Variants in PID1 observed in about 807,000 individuals in gnomAD.
The protein encoded by PID1 is phosphotyrosine interaction domain containing 1.
Under a neutral mutation model 19.1 loss-of-function variants are expected in PID1, and 10 were observed. The ratio of observed to expected loss-of-function variants is 0.52; its 90% CI spans 0.32 to 0.89. The LOEUF (loss-of-function observed/expected upper bound fraction) is 0.89. PID1 is among the 40% of genes least tolerant of loss of function. The pLI is 0.03. For synonymous variants in PID1, 130 were observed against 116.0 expected (o/e 1.12, Z -0.78); for missense variants, 248 against 285.3 (o/e 0.87, Z 0.94).
intron 1 of PID1, among the ~76,000 whole-genome samples, chr2:229,201,891 C>A (rs114973038): frequency 0.011 from 1,627 of 152,032 alleles, 37 homozygotes; most frequent in African/African-American, 0.037. Flanking sequence ...TTCACTTTGG[C>A]TTCCATGGCA....
chr2:229,219,838 AT>A (rs199672830), intron 1 of PID1, among the ~76,000 whole-genome samples: 23,490 of 148,698 alleles, frequency 0.16, 2,151 homozygotes, highest in Admixed American at 0.25. Context: ...TTTTATTTTT[AT>A]TTTTTTTTTG....
chr2:229,119,193 T>A (rs574558712), intron 2 of PID1, among the ~76,000 whole-genome samples: 3 of 152,232 alleles, frequency 2.0e-5, no homozygotes, highest in African/African-American at 7.2e-5. Flanking sequence ...ATTATTTGCA[T>A]GCAGCAGTCT....
chr2:229,104,696 A>G (rs1695139212), intron 2 of PID1, among the ~76,000 whole-genome samples: 1 of 152,248 alleles, frequency 6.6e-6, no homozygotes. Context: ...ATTCCCAGAC[A>G]TGGAACCTGG....
intron 2 of PID1, among the ~76,000 whole-genome samples, chr2:229,066,483 C>G (rs1001494862): frequency 2.0e-5 from 3 of 152,088 alleles, no homozygotes; most frequent in Non-Finnish European, 4.4e-5. Context: ...ACCATTCTAA[C>G]TTTTATATAT....
intron 1 of PID1, among the ~76,000 whole-genome samples, chr2:229,200,562 C>T (rs1276283788): frequency 1.3e-5 from 2 of 151,978 alleles, no homozygotes; most frequent in Non-Finnish European, 2.9e-5. Flanking sequence ...ACACTGGCAG[C>T]TTGTCGGAGA....
At chr2:229,245,718 T>C (rs942306494) in intron 1 of PID1, among the ~76,000 whole-genome samples, 6 of 152,150 alleles carry the variant, frequency 3.9e-5, no homozygotes, top group African/African-American at 1.4e-4. Context: ...AAGAAGCTAA[T>C]GAGGTAGATT....
At chr2:229,217,063 C>A (rs974914583) in intron 1 of PID1, among the ~76,000 whole-genome samples, 3 of 152,182 alleles carry the variant, frequency 2.0e-5, no homozygotes, top group African/African-American at 7.2e-5. Flanking sequence ...GGTCCACATT[C>A]AAGGCTGCTG....
intron 2 of PID1, among the ~76,000 whole-genome samples, chr2:229,103,306 G>A (rs80111393): frequency 0.049 from 7,383 of 152,090 alleles, 219 homozygotes; most frequent in Non-Finnish European, 0.069. Flanking sequence ...GTCACATTTC[G>A]CACAGACACA....
At chr2:229,118,713 G>C (rs998168331) in intron 2 of PID1, among the ~76,000 whole-genome samples, 1 of 152,194 alleles carries the variant, frequency 6.6e-6, no homozygotes, top group East Asian at 1.9e-4. Context: ...TGTTCTTGGG[G>C]GAAAGTACTA....
At chr2:229,150,520 T>C (rs1205940255) in intron 2 of PID1, among the ~76,000 whole-genome samples, 1 of 152,234 alleles carries the variant, frequency 6.6e-6, no homozygotes, top group Non-Finnish European at 1.5e-5. Flanking sequence ...CTGCTTTTCC[T>C]GTTCCTATAC....
At chr2:229,167,492 C>G (rs1690623760) in intron 1 of PID1, among the ~76,000 whole-genome samples, 1 of 152,054 alleles carries the variant, frequency 6.6e-6, no homozygotes, top group Non-Finnish European at 1.5e-5. Context: ...CAGACAAACC[C>G]AAACTGAGAG....
intron 2 of PID1, among the ~76,000 whole-genome samples, chr2:229,132,742 AC>A (rs2106169558): frequency 1.3e-5 from 2 of 152,348 alleles, no homozygotes; most frequent in East Asian, 3.9e-4. Flanking sequence ...TATCTGACCC[AC>A]CCAATTCAAT....
intron 2 of PID1, among the ~76,000 whole-genome samples, chr2:229,092,158 TG>T (rs1471877832): frequency 7.7e-6 from 1 of 129,286 alleles, no homozygotes; most frequent in Admixed American, 7.2e-5. Flanking sequence ...GTCTTGGGTA[TG>T]GGCTTATAAC....
chr2:229,208,892 G>C (rs1473601623), intron 1 of PID1, among the ~76,000 whole-genome samples: 2 of 152,134 alleles, frequency 1.3e-5, no homozygotes, highest in Non-Finnish European at 2.9e-5. Flanking sequence ...AAATTAGAGA[G>C]GAGCCCTGGT....
intron 1 of PID1, among the ~76,000 whole-genome samples, chr2:229,216,420 G>A (rs2106254254): frequency 6.6e-6 from 1 of 152,170 alleles, no homozygotes. Context: ...CCAAAACAGT[G>A]GGATGAGAAA....
At chr2:229,103,573 T>A (rs1695116012) in intron 2 of PID1, among the ~76,000 whole-genome samples, 1 of 10,144 alleles carries the variant, frequency 9.9e-5, no homozygotes, top group Non-Finnish European at 2.7e-4. Context: ...ATGCTGGAAT[T>A]TTTTTTTTTT....
At chr2:229,183,878 CTATATATATATATATATATATA>C in intron 1 of PID1, among the ~76,000 whole-genome samples, 1 of 18,722 alleles carries the variant, frequency 5.3e-5, no homozygotes, top group South Asian at 1.1e-3. Context: ...CTCTCTCTTT[CTATATATATATATATATATATA>C]TATATATATA....
chr2:229,131,323 C>T (rs1689736325), intron 2 of PID1, among the ~76,000 whole-genome samples: 1 of 151,902 alleles, frequency 6.6e-6, no homozygotes, highest in Non-Finnish European at 1.5e-5. Context: ...CTCCACCTCC[C>T]GGGTTCAAGC....
intron 2 of PID1, among the ~76,000 whole-genome samples, chr2:229,114,115 C>CTCTCTT (rs1695358603): frequency 9.1e-5 from 1 of 10,984 alleles, no homozygotes; most frequent in African/African-American, 3.4e-4. Flanking sequence ...CTCTCTCTTT[C>CTCTCTT]TCTCTCTCTC....
Sources: allele counts gnomAD v4.1 joint callset (sites outside exome capture counted in the v4.1 genomes callset), GRCh38; gene constraint gnomAD v4.1.1; transcripts MANE v1.5; gene names NCBI Gene and HGNC (gene_info 2026-07-23, HGNC 2026-07-21).